The following STON1 variants were observed in gnomAD, a reference collection of about 807,000 sequenced individuals.
STON1 encodes stonin 1.
STON1 carries 79 observed loss-of-function variants against 60.9 expected under a neutral mutation model. The ratio of observed to expected loss-of-function variants is 1.30; its 90% CI spans 1.08 to 1.56. The LOEUF (loss-of-function observed/expected upper bound fraction) is 1.56, where lower values mean the gene tolerates loss of function less well. Ranked by LOEUF, STON1 falls within the 40% of genes most tolerant of loss-of-function variation. The pLI is 0.00. For synonymous variants in STON1, 363 were observed against 306.9 expected (o/e 1.18, Z -1.91); for missense variants, 1,166 against 858.9 (o/e 1.36, Z -4.47).
intron 1 of STON1, among the ~76,000 whole-genome samples, chr2:48,569,977 G>C (rs1233184433): frequency 6.6e-6 from 1 of 152,198 alleles, no homozygotes; most frequent in African/African-American, 2.4e-5. Context: ...AGGTATTGCT[G>C]TTTGTGAAAG....
intron 1 of STON1, among the ~76,000 whole-genome samples, chr2:48,537,614 C>T (rs1453300245): frequency 1.3e-5 from 2 of 151,826 alleles, no homozygotes; most frequent in African/African-American, 2.4e-5. Context: ...TTTGGGAGGC[C>T]GAGGCGAGCT....
rs146225585 is a variant in STON1 at position 48,580,699 on chromosome 2, A to G, written c.66A>G (p.Gln22=). The change falls in exon 2 of 4, where the codon CAA becomes CAG. Residue 22 remains glutamine, a synonymous_variant. Transcript: ENST00000404752. ...ATGATCCTGCTGTTCAATCTTCTCA[A>G]AAGTCAAAGAATTTTCCTCTGGAGA... The part of the protein sequence containing the change: ...FDDDPAVQSS[Q]KSKNFPLENQ... The G allele has an allele frequency of 1.4e-5, 20 of 1,461,416 alleles. No individual in the cohort carries two copies. In the African/African-American group the frequency reaches 2.9e-4, roughly 21 times the overall value. 90.5% of individuals were successfully genotyped at this position (1,461,416 alleles called of 1,614,324 possible).
In STON1 at chr2:48,530,265, C is replaced by G. The variant is rs993373788; in HGVS notation, c.-48+49C>G. 2.8e-5 allele frequency: 10 copies of G among 351,838 alleles called. No individual in the cohort carries two copies. In the East Asian group the frequency reaches 4.4e-4, roughly 16 times the overall value. The allele number at this position is 351,838 out of a possible 1,614,324, so 21.8% of individuals were successfully genotyped here. On this transcript the variant is annotated intron_variant, in intron 1 of 3. Transcript: ENST00000404752. ...AGAGACGGGAGGCCTGGGACCCCCC[C>G]TCTCCAGGGTGGGGCCTCCCGCCGT... is the stretch of plus-strand genomic sequence containing the variant.
intron 1 of STON1, among the ~76,000 whole-genome samples, chr2:48,534,275 A>G (rs113704639): frequency 1.4e-3 from 213 of 152,218 alleles, no homozygotes; most frequent in African/African-American, 4.9e-3. Context: ...TACATATGGT[A>G]TTTTATTCGA....
chr2:48,541,977 T>C (rs963796876), intron 1 of STON1, among the ~76,000 whole-genome samples: 4 of 152,338 alleles, frequency 2.6e-5, no homozygotes, highest in Middle Eastern at 3.4e-3. Context: ...TTAGATTCTC[T>C]ATAGTAGATC....
chr2:48,582,735 G>C (rs992286464), intron 2 of STON1, among the ~76,000 whole-genome samples, 172 bp downstream of exon 2: 1 of 152,082 alleles, frequency 6.6e-6, no homozygotes, highest in African/African-American at 2.4e-5. Flanking sequence ...GTTTCCTTTT[G>C]CACCTATTTC....
chr2:48,583,278 G>A (rs568935838), intron 2 of STON1, among the ~76,000 whole-genome samples: 23 of 152,182 alleles, frequency 1.5e-4, no homozygotes, highest in African/African-American at 5.3e-4. Context: ...TAGTAGAGAC[G>A]GGGTCTCCCT....
At chr2:48,541,724 C>A (rs1302263308) in intron 1 of STON1, among the ~76,000 whole-genome samples, 36 of 128,690 alleles carry the variant, frequency 2.8e-4, no homozygotes, top group African/African-American at 5.4e-4. Context: ...AAAAAAAAAA[C>A]CACACAAAAA....
At chr2:48,594,022 C>G (rs897052004) in intron 3 of STON1, among the ~76,000 whole-genome samples, 2 of 152,174 alleles carry the variant, frequency 1.3e-5, no homozygotes, top group Non-Finnish European at 2.9e-5. Context: ...TGGGCTAACG[C>G]TGTAGGTCAG....
At chr2:48,558,757 C>T (rs1281295076) in intron 1 of STON1, among the ~76,000 whole-genome samples, 1 of 152,202 alleles carries the variant, frequency 6.6e-6, no homozygotes, top group Non-Finnish European at 1.5e-5. Context: ...ATGAAGCCTT[C>T]CTTGCTCCTG....
rs866953566 is a variant in STON1, at chr2:48,596,366, A to G, written c.*1064A>G. On this transcript the variant is annotated 3_prime_UTR_variant, in exon 4 of 4. Coordinates refer to ENST00000404752, the MANE Select transcript of STON1 (RefSeq NM_006873.4). ...ATTCTTCAGAGTCAGGTAAATGACT[A>G]TAATAGTTTGGTTTCTAATGAAAAG... The G allele has an allele frequency of 2.6e-5, 4 of 152,234 alleles. No individual in the cohort carries two copies. Among genetic ancestry groups the G allele is most frequent in the African/African-American group, 7.2e-5 (3 of 41,466 alleles). The allele number at this position is 152,234 out of a possible 1,614,324, so 9.4% of individuals were successfully genotyped here.
chr2:48,588,260 C>CT lies in STON1; in HGVS notation c.1931-3389dup, dbSNP rs536415997. Among the ~76,000 whole-genome samples the CT allele has an allele frequency of 1.1e-4, 16 of 152,264 alleles. No individual in the cohort carries two copies. The East Asian group carries it at 2.3e-3, about 22-fold the overall frequency. The stretch of plus-strand genomic sequence containing the variant: ...AATGCATCTCTATTTTTCTATATGA[C>CT]TTTTAGATCAGTTGTGTATTTAGAG... On this transcript the variant is annotated intron_variant, in intron 2 of 3. Transcript: ENST00000404752.
chr2:48,547,289 C>T (rs192183323), intron 1 of STON1, among the ~76,000 whole-genome samples: 5 of 152,238 alleles, frequency 3.3e-5, no homozygotes, highest in African/African-American at 1.2e-4. Flanking sequence ...GTCAAATGAC[C>T]GGTGCTTTAC....
In STON1 at chr2:48,591,829, C is replaced by T; in HGVS notation, c.2107C>T (p.Gln703Ter). The change falls in exon 3 of 4, where the codon CAG becomes TAG. Residue 703 changes from glutamine to a stop codon, truncating the protein, a stop_gained. Transcript: ENST00000404752. LOFTEE classifies it high-confidence loss of function. ...ESDVQPQKHV[Q>*]QRACYNIQVE... ...TGATGTCCAGCCACAGAAACATGTT[C>T]AGCAGCGAGCTTGCTACAACATCCA... The T allele has an allele frequency of 6.2e-7, 1 of 1,614,126 alleles. No homozygotes were observed. The highest frequency in any genetic ancestry group is 8.5e-7 in the Non-Finnish European group (1 of 1,180,008).
chr2:48,532,309 A>T (rs1192534471), intron 1 of STON1, among the ~76,000 whole-genome samples: 1 of 151,772 alleles, frequency 6.6e-6, no homozygotes, highest in Non-Finnish European at 1.5e-5. Flanking sequence ...AGATTACACC[A>T]CTGCACTCCA....
intron 1 of STON1, among the ~76,000 whole-genome samples, chr2:48,549,381 G>A (rs1217130669): frequency 2.6e-5 from 4 of 152,154 alleles, no homozygotes; most frequent in African/African-American, 9.7e-5. Flanking sequence ...GGTAGAGGAG[G>A]TTGCTGGTCC....
At chr2:48,556,199 C>T (rs1672346022) in intron 1 of STON1, among the ~76,000 whole-genome samples, 2 of 32,274 alleles carry the variant, frequency 6.2e-5, no homozygotes, top group Non-Finnish European at 1.4e-4. Flanking sequence ...CTGGACGGGG[C>T]GGCTGGCCAG....
rs771188817 is a variant in STON1 at position 48,591,761 on chromosome 2, C to T, written c.2039C>T (p.Thr680Ile). The change falls in exon 3 of 4, where the codon ACC becomes ATC. Residue 680 changes from threonine to isoleucine, a missense_variant. Coordinates refer to ENST00000404752, the MANE Select transcript of STON1 (RefSeq NM_006873.4). ...FATVQFSVPD[T>I]CASRTEVRSL... ...ACTGTTCAGTTTTCCGTGCCTGACACCTGTGCCTCAAGGACAGAGGTCAGG... is the reference window on the plus strand; with the variant it reads ...ACTGTTCAGTTTTCCGTGCCTGACATCTGTGCCTCAAGGACAGAGGTCAGG... 5 of 1,614,070 alleles carry T rather than the reference C, an allele frequency of 3.1e-6. No homozygotes were observed. The highest frequency in any genetic ancestry group is 2.7e-5 in the African/African-American group (2 of 74,922).
intron 1 of STON1, among the ~76,000 whole-genome samples, chr2:48,540,424 G>T (rs368268912): frequency 6.6e-6 from 1 of 152,110 alleles, no homozygotes; most frequent in Non-Finnish European, 1.5e-5. Flanking sequence ...CAATGCCCTG[G>T]AGGAAGGAAT....
Sources: gnomAD v4.1 joint callset for allele counts (sites outside exome capture counted in the v4.1 genomes callset) on GRCh38, gnomAD v4.1.1 for gene constraint, MANE v1.5 for transcripts, NCBI Gene and HGNC (gene_info 2026-07-23, HGNC 2026-07-21) for gene names.